COL25A1: variants seen among roughly 807,000 people sequenced by gnomAD.
The protein encoded by COL25A1 is collagen type XXV alpha 1 chain.
Under a neutral mutation model 128.4 loss-of-function variants are expected in COL25A1, and 103 were observed. The ratio of observed to expected loss-of-function variants is 0.80; its 90% confidence interval spans 0.68 to 0.94. The LOEUF (loss-of-function observed/expected upper bound fraction) is 0.94, where lower values mean the gene tolerates loss of function less well. Ranked by LOEUF, COL25A1 falls within the 40% of genes least tolerant of loss-of-function variation. The probability of loss-of-function intolerance (pLI) is 0.00; values close to 1 mark genes in which losing one functional copy is unlikely to be tolerated. For missense variants in COL25A1, 745 were observed against 840.0 expected (o/e 0.89, Z 1.40); for synonymous variants, 279 against 277.2 (o/e 1.01, Z -0.06).
At chr4:109,269,843 C>A (rs1267302692) in intron 3 of COL25A1, among the ~76,000 whole-genome samples, 1 of 152,098 alleles carries the variant, frequency 6.6e-6, no homozygotes, top group Non-Finnish European at 1.5e-5. Context: ...AAACCGAATC[C>A]AGCAGCACGT....
At chr4:109,066,167 G>T (rs557681975) in intron 3 of COL25A1, among the ~76,000 whole-genome samples, 7 of 152,278 alleles carry the variant, frequency 4.6e-5, no homozygotes, top group African/African-American at 1.7e-4. Context: ...TGAATGAAAT[G>T]ATTACCCTAA....
intron 3 of COL25A1, among the ~76,000 whole-genome samples, chr4:109,267,708 A>G (rs1388517245): frequency 6.6e-6 from 1 of 152,166 alleles, no homozygotes; most frequent in African/African-American, 2.4e-5. Context: ...TCCAAAAGAA[A>G]CACTCTGGAG....
intron 5 of COL25A1, among the ~76,000 whole-genome samples, chr4:109,032,372 A>G (rs1164502224): frequency 6.6e-6 from 1 of 152,222 alleles, no homozygotes; most frequent in Non-Finnish European, 1.5e-5. Context: ...CAGTGATGCT[A>G]GAGAAACATG....
intron 5 of COL25A1, among the ~76,000 whole-genome samples, chr4:109,047,534 G>A (rs2125937369): frequency 6.6e-6 from 1 of 152,126 alleles, no homozygotes; most frequent in East Asian, 1.9e-4. Flanking sequence ...AGTGTATACT[G>A]CTCAGGTGAT....
chr4:109,115,615 C>A (rs968783969), intron 3 of COL25A1, among the ~76,000 whole-genome samples: 2 of 152,016 alleles, frequency 1.3e-5, no homozygotes, highest in African/African-American at 4.8e-5. Context: ...ATTAAAACCA[C>A]AGGAAGTCAT....
intron 6 of COL25A1, among the ~76,000 whole-genome samples, chr4:108,981,465 G>A (rs539001591): frequency 6.6e-6 from 1 of 152,104 alleles, no homozygotes; most frequent in South Asian, 2.1e-4. Flanking sequence ...AATCATAGGA[G>A]TTCCCGTATG....
At chr4:108,919,865 C>T (rs1457579218) in intron 12 of COL25A1, among the ~76,000 whole-genome samples, 6 of 152,206 alleles carry the variant, frequency 3.9e-5, no homozygotes, top group East Asian at 3.9e-4. Flanking sequence ...CAGGTTCAAG[C>T]GATTCTCCTG....
At chr4:108,979,903 T>G (rs1241773058) in intron 6 of COL25A1, among the ~76,000 whole-genome samples, 1 of 151,974 alleles carries the variant, frequency 6.6e-6, no homozygotes, top group Non-Finnish European at 1.5e-5. Context: ...AAAGATGCTA[T>G]TGGAACTGGC....
intron 3 of COL25A1, among the ~76,000 whole-genome samples, chr4:109,263,522 G>A (rs1781582012): frequency 6.6e-6 from 1 of 152,156 alleles, no homozygotes; most frequent in African/African-American, 2.4e-5. Context: ...TTATATTAAA[G>A]CAGAGAAATG....
At chr4:109,109,508 C>A (rs1766790505) in intron 3 of COL25A1, among the ~76,000 whole-genome samples, 1 of 152,186 alleles carries the variant, frequency 6.6e-6, no homozygotes, top group African/African-American at 2.4e-5. Context: ...GCTGGGATTA[C>A]AGGTGGCATG....
intron 31 of COL25A1, chr4:108,838,124 C>A: frequency 6.5e-7 from 1 of 1,550,280 alleles, no homozygotes; most frequent in South Asian, 1.2e-5. Context: ...CCTCTGTCAC[C>A]CTTTTGACCT....
chr4:109,151,616 C>T (rs1771516059), intron 3 of COL25A1, among the ~76,000 whole-genome samples: 1 of 152,074 alleles, frequency 6.6e-6, no homozygotes, highest in African/African-American at 2.4e-5. Flanking sequence ...GGAATCCCTC[C>T]AAGCTGTCCC....
chr4:108,902,007 C>T (rs918702648), intron 13 of COL25A1, among the ~76,000 whole-genome samples: 1 of 152,026 alleles, frequency 6.6e-6, no homozygotes, highest in Non-Finnish European at 1.5e-5. Context: ...TCTGAAAGCC[C>T]TTCACTGTGT....
rs58157157 is a variant in COL25A1, at chr4:108,886,492, G to GTGTGTGTGTGTGTGTGTT, written c.976-2271_976-2270insAACACACACACACACACA. Among the ~76,000 whole-genome samples the GTGTGTGTGTGTGTGTGTT allele has an allele frequency of 2.4e-4, 26 of 109,272 alleles. No individual in the cohort carries two copies. In the East Asian group the frequency reaches 5.2e-3, roughly 22 times the overall value. 71.7% of individuals were successfully genotyped at this position (109,272 alleles called of 152,430 possible). A position where few individuals can be genotyped will look rare whatever the true frequency, so the allele number is the denominator to read the frequency against. ...TGTGTGTGTGTGTGTGTGTGTGTGTGTTTAGCTCATCAGCTATTTTATGTG... is the reference window on the plus strand; with the variant it reads ...TGTGTGTGTGTGTGTGTGTGTGTGTGTGTGTGTGTGTGTGTGTTTTTAGCTCATCAGCTATTTTATGTG... On this transcript the variant is annotated intron_variant, in intron 18 of 37. Coordinates refer to ENST00000399132, the MANE Select transcript of COL25A1 (RefSeq NM_198721.4).
At chr4:109,244,604 G>A (rs1040612302) in intron 3 of COL25A1, among the ~76,000 whole-genome samples, 2 of 152,012 alleles carry the variant, frequency 1.3e-5, no homozygotes, top group African/African-American at 2.4e-5. Flanking sequence ...AAAGGCAACC[G>A]ATCACTTTTT....
chr4:108,879,657 G>C (rs931432709), intron 19 of COL25A1, among the ~76,000 whole-genome samples: 1 of 152,266 alleles, frequency 6.6e-6, no homozygotes, highest in South Asian at 2.1e-4. Context: ...ATGTTGGCCA[G>C]GCTGGTCTCG....
intron 8 of COL25A1, among the ~76,000 whole-genome samples, chr4:108,973,919 G>T (rs991632335): frequency 2.0e-5 from 3 of 152,124 alleles, no homozygotes; most frequent in Non-Finnish European, 4.4e-5. Context: ...CAAACTTATG[G>T]CAAAGAACAA....
At chr4:109,222,059 CTTTTTTTTTTTTT>C (rs3041336) in intron 3 of COL25A1, among the ~76,000 whole-genome samples, 1 of 85,764 alleles carries the variant, frequency 1.2e-5, no homozygotes. Context: ...TAAATAACTT[CTTTTTTTTTTTTT>C]TTTTTTTTTT....
At chr4:108,892,818 G>T (rs1405371276) in intron 16 of COL25A1, among the ~76,000 whole-genome samples, 1 of 152,186 alleles carries the variant, frequency 6.6e-6, no homozygotes, top group Non-Finnish European at 1.5e-5. Context: ...TAATCCAGAG[G>T]AGACTGAAGG....
Sources: gnomAD v4.1 joint callset for allele counts (sites outside exome capture counted in the v4.1 genomes callset) on GRCh38, gnomAD v4.1.1 for gene constraint, MANE v1.5 for transcripts, NCBI Gene and HGNC (gene_info 2026-07-23, HGNC 2026-07-21) for gene names.